MAP4K3: variants seen among roughly 807,000 people sequenced by gnomAD.
MAP4K3 encodes the protein mitogen-activated protein kinase kinase kinase kinase 3, also known as MAPK/ERK kinase kinase kinase 3.
MAP4K3 carries 94 observed loss-of-function variants against 143.5 expected under a neutral mutation model. That is an observed-to-expected ratio of 0.65 (90% CI 0.55 to 0.78). MAP4K3 has a LOEUF of 0.78. Among genes scored for constraint, MAP4K3 ranks in the 30% least tolerant of loss-of-function variants. The pLI, the probability that MAP4K3 is intolerant of heterozygous loss-of-function variation, is 0.00. For missense variants in MAP4K3, 1,077 were observed against 1,068.1 expected (o/e 1.01, Z -0.12); for synonymous variants, 416 against 347.2 (o/e 1.20, Z -2.20).
At position 39,326,126 on chromosome 2, in the gene MAP4K3, T is replaced by C; in HGVS notation, c.662+20A>G. 2 of 1,605,410 alleles carry C rather than the reference T, an allele frequency of 1.2e-6. No homozygotes were observed. Among genetic ancestry groups the C allele is most frequent in the South Asian group, 2.2e-5 (2 of 89,074 alleles). On this transcript the variant is annotated intron_variant, in intron 9 of 33. Coordinates refer to ENST00000263881, the MANE Select transcript of MAP4K3 (RefSeq NM_003618.4). The stretch of plus-strand genomic sequence containing the variant: ...GATAAAAACCTTAAGCGTAAGATTC[T>C]TCAATGATGATGCACTGACCTCATT...
chr2:39,345,311 C>T (rs1362603736), intron 3 of MAP4K3, among the ~76,000 whole-genome samples: 4 of 121,092 alleles, frequency 3.3e-5, no homozygotes, highest in Non-Finnish European at 6.8e-5. Context: ...GGGGAAGGTG[C>T]AGGGCGGGGC....
At chr2:39,278,373 A>C in intron 24 of MAP4K3, 34 bp downstream of exon 24, 1 of 1,335,876 alleles carries the variant, frequency 7.5e-7, no homozygotes, top group Non-Finnish European at 1.0e-6. Context: ...TAACTTAAAA[A>C]TTAAAAAAAA....
intron 22 of MAP4K3, among the ~76,000 whole-genome samples, chr2:39,281,766 G>C (rs1464614000): frequency 2.0e-5 from 3 of 150,508 alleles, no homozygotes; most frequent in African/African-American, 7.3e-5. Context: ...AAAGTATACT[G>C]TATAAATCAA....
At chr2:39,263,492 G>A (rs967985734) in intron 28 of MAP4K3, among the ~76,000 whole-genome samples, 1 of 150,298 alleles carries the variant, frequency 6.7e-6, no homozygotes, top group Non-Finnish European at 1.5e-5. Flanking sequence ...TGTTAGCCAG[G>A]ATGGTCTCGA....
At chr2:39,260,576 A>T (rs372550961) in intron 29 of MAP4K3, 30 bp downstream of exon 29, 2 of 1,594,140 alleles carry the variant, frequency 1.3e-6, no homozygotes, top group Non-Finnish European at 1.7e-6. Flanking sequence ...TATATGTATT[A>T]CCCTTAATAA....
At chr2:39,404,606 CTT>C (rs1299113406) in intron 1 of MAP4K3, among the ~76,000 whole-genome samples, 1 of 137,634 alleles carries the variant, frequency 7.3e-6, no homozygotes, top group Admixed American at 7.2e-5. Context: ...TTTTTTTTTT[CTT>C]CTTTCTTTCT....
intron 1 of MAP4K3, among the ~76,000 whole-genome samples, chr2:39,406,606 C>T (rs1270158138): frequency 6.6e-6 from 1 of 151,882 alleles, no homozygotes; most frequent in East Asian, 1.9e-4. Flanking sequence ...GAACTTTTGC[C>T]CTAGAATAGT....
In MAP4K3 at chr2:39,415,980, A is replaced by AATATATATATATAT. The variant is rs1553318574; in HGVS notation, c.96+20898_96+20911dup. On this transcript the variant is annotated intron_variant, in intron 1 of 33. Transcript: ENST00000263881. ...AAAAAAAAAAAAAAAAAAAAAAAAA[A>AATATATATATATAT]ATATATATATATATATATATATATA... is the stretch of plus-strand genomic sequence containing the variant. Among the ~76,000 whole-genome samples the AATATATATATATAT allele has an allele frequency of 5.6e-3, 82 of 14,734 alleles. 1 individual carries two copies. The highest frequency in any genetic ancestry group is 0.011 in the Admixed American group (15 of 1,392). The allele number at this position is 14,734 out of a possible 152,430, so 9.7% of individuals were successfully genotyped here. A position where few individuals can be genotyped will look rare whatever the true frequency, so the allele number is the denominator to read the frequency against.
At chr2:39,395,376 T>G (rs1418604650) in intron 1 of MAP4K3, among the ~76,000 whole-genome samples, 1 of 152,098 alleles carries the variant, frequency 6.6e-6, no homozygotes, top group Non-Finnish European at 1.5e-5. Flanking sequence ...AAATAATGGT[T>G]TTATTCAGGC....
intron 16 of MAP4K3, 27 bp downstream of exon 16, chr2:39,299,711 TTTAAA>T (rs1682430016): frequency 7.6e-7 from 1 of 1,314,356 alleles, no homozygotes; most frequent in Non-Finnish European, 1.1e-6. Context: ...AATTCTTGAA[TTTAAA>T]TTAAGTTTTA....
chr2:39,369,635 T>C (rs1393724769), intron 2 of MAP4K3, among the ~76,000 whole-genome samples: 1 of 152,198 alleles, frequency 6.6e-6, no homozygotes, highest in Non-Finnish European at 1.5e-5. Context: ...TCTCTTATTC[T>C]ACTAGCAAAA....
intron 1 of MAP4K3, among the ~76,000 whole-genome samples, chr2:39,427,894 C>A (rs1665145451): frequency 6.6e-6 from 1 of 152,120 alleles, no homozygotes; most frequent in African/African-American, 2.4e-5. Context: ...CAATATGTCT[C>A]CTTAGAATAG....
At chr2:39,282,645 A>C (rs1483850080) in intron 21 of MAP4K3, 91 bp from the exon 22 acceptor site, 3 of 830,472 alleles carry the variant, frequency 3.6e-6, no homozygotes, top group Non-Finnish European at 5.9e-6. Flanking sequence ...CAAATAAAAT[A>C]CATGAATACA....
chr2:39,350,692 A>G (rs1042894424), intron 3 of MAP4K3, among the ~76,000 whole-genome samples: 1 of 152,176 alleles, frequency 6.6e-6, no homozygotes, highest in Non-Finnish European at 1.5e-5. Flanking sequence ...CACCATAATT[A>G]GTTTAACTAA....
At chr2:39,400,002 CT>C (rs1666910395) in intron 1 of MAP4K3, among the ~76,000 whole-genome samples, 4 of 152,136 alleles carry the variant, frequency 2.6e-5, no homozygotes, top group Non-Finnish European at 5.9e-5. Context: ...TTTCCCCAGA[CT>C]TCAGTAAGCT....
chr2:39,337,703 G>T (rs1319701936), intron 4 of MAP4K3, 122 bp from the exon 5 acceptor site: 2 of 486,244 alleles, frequency 4.1e-6, no homozygotes, highest in Non-Finnish European at 7.6e-6. Context: ...TGAAATGTAA[G>T]CTAGGACTAC....
chr2:39,435,722 C>T (rs72931146), intron 1 of MAP4K3, among the ~76,000 whole-genome samples: 3,522 of 152,250 alleles, frequency 0.023, 140 homozygotes, highest in African/African-American at 0.081. Flanking sequence ...CTGCTACAAC[C>T]CAAAGTGCTT....
Position 39,272,358 on chromosome 2 carries a change from A to G in MAP4K3, c.1898T>C (p.Phe633Ser). The G allele has an allele frequency of 6.2e-7, 1 of 1,613,872 alleles. No homozygotes were observed. Among genetic ancestry groups the G allele is most frequent in the Non-Finnish European group, 8.5e-7 (1 of 1,179,870 alleles). ...QLYSHNLPGL[F>S]DYARQMQKLP... ...CTTTTGCATTTGTCTTGCATAATCA[A>G]AAAGCCCTGGTAAATTATGGGAATA... Residue 633 changes from phenylalanine (F) to serine (S), a missense_variant, in exon 26 of 34, where the codon TTT becomes TCT. Physicochemically the swap from Phe to Ser is radical, Grantham distance 155. Coordinates refer to ENST00000263881, the MANE Select transcript of MAP4K3 (RefSeq NM_003618.4).
In MAP4K3 at chr2:39,265,285, T is replaced by C. The variant is rs751461090; in HGVS notation, c.2054A>G (p.His685Arg). Reference protein sequence around the residue: ...CCVVRNPYTGHKYLCGALQTS... With the variant: ...CCVVRNPYTGRKYLCGALQTS... ...CTGAAGTGCTCCACATAGGTATTTA[T>C]GGCCCGTGTAAGGATTTCTTACTGT... is the stretch of plus-strand genomic sequence containing the variant. Residue 685 changes from histidine to arginine, a missense_variant, in exon 28 of 34, where the codon CAT becomes CGT. Physicochemically the swap from His to Arg is conservative, Grantham distance 29. Transcript: ENST00000263881. 1.9e-6 allele frequency: 3 copies of C among 1,612,648 alleles called. No individual in the cohort carries two copies. Among genetic ancestry groups the C allele is most frequent in the Non-Finnish European group, 8.5e-7 (1 of 1,178,746 alleles).
Sources: allele counts gnomAD v4.1 joint callset (sites outside exome capture counted in the v4.1 genomes callset), GRCh38; gene constraint gnomAD v4.1.1; transcripts MANE v1.5; gene names NCBI Gene and HGNC (gene_info 2026-07-23, HGNC 2026-07-21).